GOLM1: variants seen among roughly 807,000 people sequenced by gnomAD.
The protein encoded by GOLM1 is epididymis luminal protein 46.
A neutral mutation model predicts 50.5 loss-of-function variants in GOLM1; 31 were observed. That is an observed-to-expected ratio of 0.61 (90% CI 0.46 to 0.83). The LOEUF is 0.83. GOLM1 is among the 40% of genes least tolerant of loss of function. GOLM1 has a pLI of 0.00. For synonymous variants in GOLM1, 178 were observed against 192.8 expected (o/e 0.92, Z 0.64); for missense variants, 491 against 501.3 (o/e 0.98, Z 0.20).
chr9:86,053,728 T>A (rs1465213068), intron 3 of GOLM1, among the ~76,000 whole-genome samples: 3 of 27,606 alleles, frequency 1.1e-4, no homozygotes, highest in African/African-American at 1.4e-4. Context: ...CACAGACTGC[T>A]CCACTCCACA....
chr9:86,068,136 A>C (rs1834358722), intron 3 of GOLM1, among the ~76,000 whole-genome samples: 1 of 152,210 alleles, frequency 6.6e-6, no homozygotes, highest in African/African-American at 2.4e-5. Flanking sequence ...GAGGAGGAGA[A>C]GAGGCGAAAA....
At chr9:86,075,801 G>A (rs1345060974) in intron 3 of GOLM1, among the ~76,000 whole-genome samples, 1 of 151,874 alleles carries the variant, frequency 6.6e-6, no homozygotes, top group Non-Finnish European at 1.5e-5. Context: ...TTTGAGAGAT[G>A]AGGTTAAAGG....
intron 8 of GOLM1, 73 bp downstream of exon 8, chr9:86,035,295 G>T: frequency 6.4e-7 from 1 of 1,568,116 alleles, no homozygotes; most frequent in Non-Finnish European, 8.6e-7. Context: ...TGTTGGTGCT[G>T]GGAAGGACAT....
At chr9:86,099,913 C>T (rs958733928), upstream of GOLM1, 1 of 152,418 alleles carries the variant, frequency 6.6e-6, no homozygotes, top group African/African-American at 2.4e-5. Context: ...CCCGAACAGC[C>T]AACCGCACCC....
intron 7 of GOLM1, 121 bp downstream of exon 7, chr9:86,036,227 G>T: frequency 1.0e-6 from 1 of 964,958 alleles, no homozygotes; most frequent in Non-Finnish European, 1.7e-6. Context: ...AGAGAGACAC[G>T]TCCCTGCTCC....
intron 2 of GOLM1, 103 bp from the exon 3 acceptor site, chr9:86,077,694 C>T: frequency 1.3e-6 from 1 of 766,062 alleles, no homozygotes; most frequent in Non-Finnish European, 2.2e-6. Flanking sequence ...AGGGCCAGCA[C>T]CAGTCTTATA....
At chr9:86,074,115 C>T (rs1418999281) in intron 3 of GOLM1, among the ~76,000 whole-genome samples, 2 of 151,908 alleles carry the variant, frequency 1.3e-5, no homozygotes, top group African/African-American at 4.8e-5. Context: ...TGCAAACCAC[C>T]CCCAGCCACA....
chr9:86,059,370 G>T (rs1834086490), intron 3 of GOLM1, among the ~76,000 whole-genome samples: 1 of 152,194 alleles, frequency 6.6e-6, no homozygotes, highest in Non-Finnish European at 1.5e-5. Context: ...CCATAGGAGA[G>T]AAGTATTACC....
intron 1 of GOLM1, among the ~76,000 whole-genome samples, chr9:86,081,491 C>T (rs982455360): frequency 3.9e-5 from 6 of 152,094 alleles, no homozygotes; most frequent in African/African-American, 1.4e-4. Context: ...CCACCGTGCC[C>T]AGCTAACCTT....
intron 3 of GOLM1, among the ~76,000 whole-genome samples, chr9:86,055,488 T>C (rs904024136): frequency 3.3e-5 from 5 of 152,178 alleles, no homozygotes; most frequent in Non-Finnish European, 7.3e-5. Context: ...GTCTGCACTC[T>C]CATGTTCGCT....
At position 86,026,249 on chromosome 9, in the gene GOLM1, C is replaced by A; in HGVS notation, c.*1568G>T. The A allele has an allele frequency of 1.0e-6, 1 of 984,774 alleles. No individual in the cohort carries two copies. Among genetic ancestry groups the A allele is most frequent in the Non-Finnish European group, 1.2e-6 (1 of 829,392 alleles). The allele number at this position is 984,774 out of a possible 1,614,324, so 61.0% of individuals were successfully genotyped here. A position where few individuals can be genotyped will look rare whatever the true frequency, so the allele number is the denominator to read the frequency against. On this transcript the variant is annotated 3_prime_UTR_variant, in exon 10 of 10. Transcript: ENST00000388712. ...GAAAGCAAGAGAAAATTCCTATCAA[C>A]CCCAAGGAGGACTCAAAGTGAGGCT...
At chr9:86,059,198 C>T (rs1834080823) in intron 3 of GOLM1, among the ~76,000 whole-genome samples, 1 of 152,090 alleles carries the variant, frequency 6.6e-6, no homozygotes, top group African/African-American at 2.4e-5. Flanking sequence ...TGTAGGTGTA[C>T]ACCCAAGAGA....
chr9:86,053,186 CCCA>C (rs368673315), intron 3 of GOLM1, among the ~76,000 whole-genome samples: 7,050 of 136,524 alleles, frequency 0.052, 218 homozygotes, highest in Middle Eastern at 0.11. Flanking sequence ...ACACACCACA[CCCA>C]CCACTCCACA....
At chr9:86,077,038 C>T (rs888388766) in intron 3 of GOLM1, among the ~76,000 whole-genome samples, 1 of 151,782 alleles carries the variant, frequency 6.6e-6, no homozygotes, top group Non-Finnish European at 1.5e-5. Flanking sequence ...ACTTGGAGGG[C>T]ACAAATATTA....
intron 3 of GOLM1, 130 bp from the exon 4 acceptor site, chr9:86,052,721 G>T (rs892920278): frequency 2.8e-6 from 2 of 713,216 alleles, no homozygotes; most frequent in Admixed American, 4.2e-5. Context: ...CTCGCACTCA[G>T]CGCTCAGGCT....
chr9:86,047,863 T>C (rs960048720), intron 4 of GOLM1, among the ~76,000 whole-genome samples: 1 of 152,188 alleles, frequency 6.6e-6, no homozygotes, highest in Non-Finnish European at 1.5e-5. Context: ...TCCATCTGTA[T>C]GCATGTACCC....
chr9:86,075,711 G>T (rs998339292), intron 3 of GOLM1, among the ~76,000 whole-genome samples: 3 of 152,082 alleles, frequency 2.0e-5, no homozygotes, highest in Non-Finnish European at 4.4e-5. Flanking sequence ...CATTTATATC[G>T]CATATTCTAA....
At chr9:86,031,925 CAAA>C (rs1043805404) in intron 9 of GOLM1, among the ~76,000 whole-genome samples, 5 of 36,050 alleles carry the variant, frequency 1.4e-4, no homozygotes, top group East Asian at 1.1e-3. Context: ...GACTCCATCT[CAAA>C]AAAAAAAAAA....
intron 1 of GOLM1, among the ~76,000 whole-genome samples, chr9:86,087,215 T>C (rs1263297159): frequency 6.6e-6 from 1 of 152,194 alleles, no homozygotes; most frequent in African/African-American, 2.4e-5. Flanking sequence ...CTTGTAGCAA[T>C]TGTGAATGGG....
Sources: allele counts gnomAD v4.1 joint callset (sites outside exome capture counted in the v4.1 genomes callset), GRCh38; gene constraint gnomAD v4.1.1; transcripts MANE v1.5; gene names NCBI Gene and HGNC (gene_info 2026-07-23, HGNC 2026-07-21).